RASA2: variants seen among roughly 807,000 people sequenced by gnomAD.
RASA2 encodes ras GTPase-activating protein 2.
A neutral mutation model predicts 118.2 loss-of-function variants in RASA2; 155 were observed. The ratio of observed to expected loss-of-function variants is 1.31; its 90% confidence interval spans 1.15 to 1.50. The LOEUF (loss-of-function observed/expected upper bound fraction) is 1.50, where lower values mean the gene tolerates loss of function less well. Among genes scored for constraint, RASA2 ranks in the 40% most tolerant of loss-of-function variants. The probability of loss-of-function intolerance (pLI) is 0.00; values close to 1 mark genes in which losing one functional copy is unlikely to be tolerated. For synonymous variants in RASA2, 353 were observed against 349.1 expected (o/e 1.01, Z -0.12); for missense variants, 1,016 against 1,009.6 (o/e 1.01, Z -0.09).
chr3:141,531,676 A>G (rs888405666), intron 4 of RASA2, among the ~76,000 whole-genome samples: 9 of 152,016 alleles, frequency 5.9e-5, no homozygotes, highest in Non-Finnish European at 1.2e-4. Context: ...TATTTTCATG[A>G]CTGTGAGTTA....
intron 9 of RASA2, among the ~76,000 whole-genome samples, chr3:141,563,223 A>G (rs1347879402): frequency 6.6e-6 from 1 of 152,164 alleles, no homozygotes; most frequent in Non-Finnish European, 1.5e-5. Context: ...TCAGTTAAAA[A>G]TTTCTCTTTA....
chr3:141,576,219 TTTG>T (rs2083009604), intron 14 of RASA2, among the ~76,000 whole-genome samples: 1 of 152,188 alleles, frequency 6.6e-6, no homozygotes, highest in Non-Finnish European at 1.5e-5. Context: ...TTCTCTCGTT[TTTG>T]TTGTTCTTAC....
rs370844538 is a variant in RASA2, at chr3:141,576,689, T to C, written c.1484-311T>C. Among the ~76,000 whole-genome samples, 6 of 152,370 alleles carry C rather than the reference T, an allele frequency of 3.9e-5. No homozygotes were observed. In the East Asian group the frequency reaches 1.2e-3, roughly 29 times the overall value. The stretch of plus-strand genomic sequence containing the variant: ...CACTAGGTAGTGCTAGATACTACTT[T>C]TATTTCTGTTGTAATTTTAGCAGTC... On this transcript the variant is annotated intron_variant, in intron 14 of 23. Transcript: ENST00000286364.
Position 141,594,353 on chromosome 3 carries a change from C to CA in RASA2, c.1933+7612dup, listed in dbSNP as rs200206211. ...GAAGGAGAGTAGAGAAAGAATTGGA[C>CA]AAAAAAAAAAATTTTTTTTTGAAGA... On this transcript the variant is annotated intron_variant, in intron 19 of 23. Coordinates refer to ENST00000286364, the MANE Select transcript of RASA2 (RefSeq NM_006506.5). Among the ~76,000 whole-genome samples the CA allele has an allele frequency of 3.6e-3, 493 of 136,176 alleles. 5 individuals carry two copies. The highest frequency in any genetic ancestry group is 0.013 in the African/African-American group (456 of 36,288). The allele number at this position is 136,176 out of a possible 152,430, so 89.3% of individuals were successfully genotyped here.
intron 9 of RASA2, among the ~76,000 whole-genome samples, chr3:141,562,704 C>T (rs1455280730): frequency 2.7e-5 from 4 of 150,928 alleles, no homozygotes; most frequent in Non-Finnish European, 4.4e-5. Context: ...TACGGAGTCT[C>T]GCTCTGTCTC....
chr3:141,555,000 G>A (rs1433087156), intron 6 of RASA2, among the ~76,000 whole-genome samples: 1 of 152,130 alleles, frequency 6.6e-6, no homozygotes, highest in East Asian at 1.9e-4. Flanking sequence ...GGTGGCTCAC[G>A]CCTGTAATCC....
At chr3:141,598,624 G>A (rs886265872) in intron 19 of RASA2, among the ~76,000 whole-genome samples, 1 of 152,122 alleles carries the variant, frequency 6.6e-6, no homozygotes, top group African/African-American at 2.4e-5. Flanking sequence ...ACAGCTACTT[G>A]AACAAATAAC....
intron 6 of RASA2, among the ~76,000 whole-genome samples, 161 bp downstream of exon 6, chr3:141,554,101 C>G (rs2082613429): frequency 1.3e-5 from 2 of 152,174 alleles, no homozygotes; most frequent in African/African-American, 4.8e-5. Context: ...ATACACTTGT[C>G]AATAACAAAG....
rs2082911337 is a variant in RASA2 at position 141,571,069 on chromosome 3, G to C, written c.1020+1G>C. On this transcript the variant is annotated splice_donor_variant, in intron 10 of 23. Coordinates refer to ENST00000286364, the MANE Select transcript of RASA2 (RefSeq NM_006506.5). LOFTEE classifies it high-confidence loss of function. ...GCTGCTAAAATCACCAGATGTTCAA[G>C]TATGTTAAGAATCTTAAGGATATGA... 2 of 1,595,234 alleles carry C rather than the reference G, an allele frequency of 1.3e-6. No individual in the cohort carries two copies. The highest frequency in any genetic ancestry group is 1.8e-5 in the Admixed American group (1 of 54,276).
In RASA2 at chr3:141,559,879, GTTTTCAA is replaced by G; in HGVS notation, c.762-8_762-2del. 1 of 1,608,476 alleles carries G rather than the reference GTTTTCAA, an allele frequency of 6.2e-7. No homozygotes were observed. The highest frequency in any genetic ancestry group is 8.5e-7 in the Non-Finnish European group (1 of 1,175,470). ...ACATTGTTTGCAAAACATAAAGCCA[GTTTTCAA>G]TTTTCAGGATCGACTTGTGGAACAA... On this transcript the variant is annotated splice_region_variant and splice_polypyrimidine_tract_variant and intron_variant, in intron 8 of 23. Transcript: ENST00000286364.
intron 7 of RASA2, among the ~76,000 whole-genome samples, chr3:141,556,380 C>T (rs78656681): frequency 0.013 from 1,957 of 152,282 alleles, 55 homozygotes; most frequent in African/African-American, 0.044. Context: ...GGGAAACTAG[C>T]AGCACTACCT....
At chr3:141,565,684 T>G (rs1394687909) in intron 9 of RASA2, among the ~76,000 whole-genome samples, 1 of 152,212 alleles carries the variant, frequency 6.6e-6, no homozygotes, top group East Asian at 1.9e-4. Flanking sequence ...TCCCCAGCCG[T>G]GTGGAACTAT....
chr3:141,529,829 A>G, intron 4 of RASA2, 27 bp downstream of exon 4: 1 of 1,502,126 alleles, frequency 6.7e-7, no homozygotes, highest in Non-Finnish European at 9.2e-7. Context: ...ATGTAATACA[A>G]GAGATTGTCA....
chr3:141,589,564 C>T lies in RASA2; in HGVS notation c.1933+2812C>T, dbSNP rs1029236238. Among the ~76,000 whole-genome samples, 11 of 152,168 alleles carry T rather than the reference C, an allele frequency of 7.2e-5. 1 individual carries two copies. Among genetic ancestry groups the T allele is most frequent in the South Asian group, 2.1e-4 (1 of 4,824 alleles). On this transcript the variant is annotated intron_variant, in intron 19 of 23. Coordinates refer to ENST00000286364, the MANE Select transcript of RASA2 (RefSeq NM_006506.5). ...TCAAGTTAAGAACCTCTGTTCTGGC[C>T]GGGCGCGGTGGCTCACACCCGTGAT...
intron 19 of RASA2, among the ~76,000 whole-genome samples, chr3:141,601,060 T>C (rs1318558749): frequency 1.3e-5 from 2 of 151,998 alleles, no homozygotes; most frequent in Non-Finnish European, 2.9e-5. Context: ...TTTTAACATA[T>C]GGTGCAGGAA....
At chr3:141,595,226 G>A (rs1481699840) in intron 19 of RASA2, among the ~76,000 whole-genome samples, 2 of 152,066 alleles carry the variant, frequency 1.3e-5, no homozygotes, top group South Asian at 2.1e-4. Context: ...GACAGAAAAC[G>A]TATAACAAAA....
rs2083584952 is a variant in RASA2 at position 141,608,559 on chromosome 3, G to T, written c.2087G>T (p.Trp696Leu). The T allele has an allele frequency of 6.2e-7, 1 of 1,613,996 alleles. No individual in the cohort carries two copies. The highest frequency in any genetic ancestry group is 8.5e-7 in the Non-Finnish European group (1 of 1,179,910). ...AATAACTGTGTAGAAGCTAATGAAT[G>T]GATAGACGTACTCTGCAGGGTGAGC... ...QANNCVEANE[W>L]IDVLCRVSRC... Residue 696 changes from tryptophan to leucine, a missense_variant, in exon 21 of 24, where the codon TGG becomes TTG. Physicochemically the swap from Trp to Leu is moderately conservative, Grantham distance 61 (BLOSUM62 -2). Transcript: ENST00000286364.
intron 2 of RASA2, among the ~76,000 whole-genome samples, chr3:141,514,429 G>C (rs1325190665): frequency 6.6e-6 from 1 of 152,212 alleles, no homozygotes; most frequent in Non-Finnish European, 1.5e-5. Context: ...AGTGATTGCA[G>C]AGTCACAAGG....
rs1203645141 is a variant in RASA2 at position 141,553,948 on chromosome 3, T to G, written c.611+8T>G. On this transcript the variant is annotated splice_region_variant and intron_variant, in intron 6 of 23. Coordinates refer to ENST00000286364, the MANE Select transcript of RASA2 (RefSeq NM_006506.5). ...TCTAGTGGGCCCTTCTAGGTAATATTTATTGAATTATTATTAGGTTTTAAA... is the reference window on the plus strand; with the variant it reads ...TCTAGTGGGCCCTTCTAGGTAATATGTATTGAATTATTATTAGGTTTTAAA... The G allele has an allele frequency of 3.8e-6, 6 of 1,598,546 alleles. No individual in the cohort carries two copies. The highest frequency in any genetic ancestry group is 5.1e-6 in the Non-Finnish European group (6 of 1,174,796).
Sources: allele counts gnomAD v4.1 joint callset (sites outside exome capture counted in the v4.1 genomes callset), GRCh38; gene constraint gnomAD v4.1.1; transcripts MANE v1.5; gene names NCBI Gene and HGNC (gene_info 2026-07-23, HGNC 2026-07-21).